Variants in POLN observed in about 807,000 individuals in gnomAD.
The protein encoded by POLN is DNA polymerase N.
A neutral mutation model predicts 113.5 loss-of-function variants in POLN; 108 were observed. The ratio of observed to expected loss-of-function variants is 0.95; its 90% confidence interval spans 0.81 to 1.12. The LOEUF (loss-of-function observed/expected upper bound fraction) is 1.12, where lower values mean the gene tolerates loss of function less well. Among genes scored for constraint, POLN ranks in the 50% most tolerant of loss-of-function variants. POLN has a pLI of 0.00. For missense variants in POLN, 1,097 were observed against 1,077.1 expected (o/e 1.02, Z -0.26); for synonymous variants, 386 against 391.5 (o/e 0.99, Z 0.17).
chr4:2,125,690 G>A (rs1731560911), intron 19 of POLN, among the ~76,000 whole-genome samples: 1 of 152,176 alleles, frequency 6.6e-6, no homozygotes, highest in African/African-American at 2.4e-5. Flanking sequence ...CTGATGGGCT[G>A]AGCGGAGATA....
In POLN at chr4:2,201,006, G is replaced by A. The variant is rs184609492; in HGVS notation, c.715-2289C>T. On this transcript the variant is annotated intron_variant, in intron 5 of 25. Transcript: ENST00000511885. ...GGGGAGGCCGGGCACTGTGGCTCACGCCTGTAATCCCAGCACTTTGGGAGG... is the reference window on the plus strand; with the variant it reads ...GGGGAGGCCGGGCACTGTGGCTCACACCTGTAATCCCAGCACTTTGGGAGG... 2.0e-4 allele frequency among the ~76,000 whole-genome samples: 31 copies of A among 152,112 alleles called. No individual in the cohort carries two copies. The East Asian group carries it at 5.8e-3, about 28-fold the overall frequency.
At chr4:2,237,434 T>C (rs1311658146) in intron 2 of POLN, among the ~76,000 whole-genome samples, 1 of 149,428 alleles carries the variant, frequency 6.7e-6, no homozygotes, top group East Asian at 2.0e-4. Context: ...AGACCTTGTC[T>C]TAAAAGGAAA....
chr4:2,179,557 G>T, intron 7 of POLN, 92 bp from the exon 8 acceptor site: 1 of 1,226,888 alleles, frequency 8.2e-7, no homozygotes, highest in Non-Finnish European at 1.2e-6. Flanking sequence ...ACGAATAGTA[G>T]TAGTATTGTC....
rs1560094107 is a variant in POLN at position 2,208,086 on chromosome 4, A to G, written c.615T>C (p.Asp205=). 4 of 1,614,188 alleles carry G rather than the reference A, an allele frequency of 2.5e-6. No homozygotes were observed. Among genetic ancestry groups the G allele is most frequent in the Non-Finnish European group, 8.5e-7 (1 of 1,180,034 alleles). The change falls in exon 5 of 26, where the codon GAT becomes GAC. Residue 205 remains aspartate (D), a synonymous_variant. Transcript: ENST00000511885. The part of the protein sequence containing the change: ...KHFCDIRHLD[D]WAKSQLIEML... ...TTTCAATCAGCTGGCTTTTTGCCCA[A>G]TCATCCAAATGCCTAATATCACAAA... is the stretch of plus-strand genomic sequence containing the variant.
chr4:2,185,299 A>G (rs1733242698), intron 7 of POLN, among the ~76,000 whole-genome samples: 1 of 152,252 alleles, frequency 6.6e-6, no homozygotes, highest in Non-Finnish European at 1.5e-5. Context: ...GAGAGATAAC[A>G]TATTAAATGA....
intron 13 of POLN, among the ~76,000 whole-genome samples, chr4:2,168,061 C>A (rs1732771600): frequency 6.6e-6 from 1 of 152,140 alleles, no homozygotes; most frequent in African/African-American, 2.4e-5. Flanking sequence ...AATAATACGT[C>A]TCAAAACTTG....
intron 19 of POLN, among the ~76,000 whole-genome samples, chr4:2,115,228 A>ATATAT (rs72052264): frequency 5.8e-4 from 75 of 129,986 alleles, no homozygotes; most frequent in East Asian, 1.1e-3. Flanking sequence ...ATATATATAT[A>ATATAT]TTTTTTTTTT....
Position 2,176,722 on chromosome 4 carries a change from T to C in POLN, c.1180-388A>G, listed in dbSNP as rs544351423. Among the ~76,000 whole-genome samples, 48 of 152,234 alleles carry C rather than the reference T, an allele frequency of 3.2e-4. 2 individuals carry two copies. Among genetic ancestry groups the C allele is most frequent in the Admixed American group, 2.7e-3 (41 of 15,288 alleles). On this transcript the variant is annotated intron_variant, in intron 8 of 25. Coordinates refer to ENST00000511885, the MANE Select transcript of POLN (RefSeq NM_181808.4). ...GCTCCATTCTCTCAGCCTTACCACC[T>C]TGCACCCACGCACAGCTGCTGCCAC...
At chr4:2,151,938 C>T (rs914677342) in intron 16 of POLN, among the ~76,000 whole-genome samples, 2 of 152,176 alleles carry the variant, frequency 1.3e-5, no homozygotes, top group Admixed American at 6.6e-5. Context: ...GAAGCAATAA[C>T]TTTCTCTTAG....
intron 16 of POLN, 83 bp downstream of exon 16, chr4:2,156,705 C>T: frequency 1.8e-6 from 2 of 1,092,028 alleles, no homozygotes; most frequent in Non-Finnish European, 2.8e-6. Context: ...AGAAAGTGCA[C>T]AGGCAAACAC....
chr4:2,236,284 C>T, intron 2 of POLN: 1 of 1,613,654 alleles, frequency 6.2e-7, no homozygotes, highest in Non-Finnish European at 8.5e-7. Context: ...CAAAGCATGT[C>T]CACATCCTTA....
chr4:2,202,054 C>A lies in POLN; in HGVS notation c.715-3337G>T, dbSNP rs866388974. 7.2e-5 allele frequency among the ~76,000 whole-genome samples: 11 copies of A among 152,194 alleles called. No homozygotes were observed. In the Middle Eastern group the frequency reaches 0.014, roughly 188 times the overall value. On this transcript the variant is annotated intron_variant, in intron 5 of 25. Transcript: ENST00000511885. ...AACCTTGAAACAAATCCTGGAAACA[C>A]ATCAAAACAGAATCTCTTTAAAGCA...
intron 4 of POLN, among the ~76,000 whole-genome samples, chr4:2,210,016 T>C: frequency 6.7e-6 from 1 of 148,896 alleles, no homozygotes; most frequent in Admixed American, 6.7e-5. Flanking sequence ...TTTATATATA[T>C]ATATATATGG....
At chr4:2,089,136 A>G in intron 20 of POLN, 1 of 1,243,022 alleles carries the variant, frequency 8.0e-7, no homozygotes, top group Non-Finnish European at 1.2e-6. Context: ...TAAGGACCCT[A>G]AGATCAATAT....
rs144575256 is a variant in POLN, at chr4:2,128,179, G to T, written c.1916C>A (p.Pro639Gln). Reference protein sequence around the residue: ...LRILTHLSGDPELLKLFQESE... With the variant: ...LRILTHLSGDQELLKLFQESE... ...TTCCTGGAATAACTTCAGAAGTTCCGGATCTCCAGATAAATGTGTAAGAAT... is the reference window on the plus strand; with the variant it reads ...TTCCTGGAATAACTTCAGAAGTTCCTGATCTCCAGATAAATGTGTAAGAAT... The change falls in exon 19 of 26, where the codon CCG becomes CAG. Residue 639 changes from proline to glutamine, a missense_variant. By Grantham distance (76) the Pro-to-Gln change is moderately conservative. Transcript: ENST00000511885. 39 of 1,612,534 alleles carry T rather than the reference G, an allele frequency of 2.4e-5. No homozygotes were observed. Among genetic ancestry groups the T allele is most frequent in the Non-Finnish European group, 3.3e-5 (39 of 1,178,784 alleles).
intron 8 of POLN, among the ~76,000 whole-genome samples, chr4:2,178,110 G>C (rs1213096620): frequency 1.3e-5 from 2 of 152,220 alleles, no homozygotes; most frequent in Non-Finnish European, 2.9e-5. Flanking sequence ...TGATCTGTGA[G>C]GATGAAGTAC....
chr4:2,104,938 G>A (rs568678384), intron 19 of POLN, among the ~76,000 whole-genome samples: 45 of 152,186 alleles, frequency 3.0e-4, no homozygotes, highest in Non-Finnish European at 5.0e-4. Flanking sequence ...CTTCAGAAGC[G>A]TGCACAGGTG....
At chr4:2,085,355 T>A (rs1380834997) in intron 21 of POLN, among the ~76,000 whole-genome samples, 1 of 152,224 alleles carries the variant, frequency 6.6e-6, no homozygotes, top group Non-Finnish European at 1.5e-5. Context: ...CAGGCTTGTA[T>A]CTGTTTTTAC....
intron 16 of POLN, among the ~76,000 whole-genome samples, chr4:2,147,924 TGA>T (rs1299246397): frequency 6.6e-6 from 1 of 152,152 alleles, no homozygotes; most frequent in Non-Finnish European, 1.5e-5. Context: ...ATTACAGGCA[TGA>T]GCCACCGTGC....
Sources: gnomAD v4.1 joint callset for allele counts (sites outside exome capture counted in the v4.1 genomes callset) on GRCh38, gnomAD v4.1.1 for gene constraint, MANE v1.5 for transcripts, NCBI Gene and HGNC (gene_info 2026-07-23, HGNC 2026-07-21) for gene names.